Variants in ITGAM observed in about 807,000 individuals in gnomAD.
The protein encoded by ITGAM is integrin subunit alpha M.
ITGAM carries 79 observed loss-of-function variants against 137.5 expected under a neutral mutation model. The ratio of observed to expected loss-of-function variants is 0.57; its 90% confidence interval spans 0.48 to 0.69. ITGAM has a LOEUF of 0.69. ITGAM is among the 30% of genes least tolerant of loss of function. ITGAM has a pLI of 0.00. For synonymous variants in ITGAM, 583 were observed against 592.3 expected (o/e 0.98, Z 0.23); for missense variants, 1,343 against 1,483.5 (o/e 0.91, Z 1.56).
chr16:31,331,599 G>A (rs1293592944), intron 29 of ITGAM, 37 bp from the exon 30 acceptor site: 5 of 1,551,916 alleles, frequency 3.2e-6, no homozygotes, highest in African/African-American at 1.4e-5. Context: ...ACGCTCCCTG[G>A]CTGCTGTCGC....
intron 14 of ITGAM, among the ~76,000 whole-genome samples, chr16:31,302,926 TTCTTTCTTTC>T (rs2080225136): frequency 7.7e-5 from 1 of 13,022 alleles, no homozygotes; most frequent in South Asian, 2.3e-3. Context: ...CCCTCTTTCT[TTCTTTCTTTC>T]TTTCTTTCTT....
chr16:31,275,715 G>C lies in ITGAM; in HGVS notation c.1009+16G>C. 2 of 1,613,360 alleles carry C rather than the reference G, an allele frequency of 1.2e-6. No individual in the cohort carries two copies. Among genetic ancestry groups the C allele is most frequent in the Non-Finnish European group, 1.7e-6 (2 of 1,179,644 alleles). On this transcript the variant is annotated intron_variant, in intron 9 of 29. Transcript: ENST00000544665. ...GCGATCGAGGGTGAGTCAGGCATCT[G>C]TGTTCCCAGAGCAGCTCCAGAGGCA...
At chr16:31,263,060 GC>G (rs1181487083) in intron 2 of ITGAM, among the ~76,000 whole-genome samples, 1 of 152,132 alleles carries the variant, frequency 6.6e-6, no homozygotes, top group Non-Finnish European at 1.5e-5. Flanking sequence ...TCCTGCCTCA[GC>G]CTCCTGAGTA....
chr16:31,290,549 A>C (rs1023736669), intron 12 of ITGAM, among the ~76,000 whole-genome samples: 3 of 152,218 alleles, frequency 2.0e-5, no homozygotes, highest in Admixed American at 2.0e-4. Context: ...ATGATTAAAA[A>C]TACTCTCAGC....
intron 23 of ITGAM, among the ~76,000 whole-genome samples, chr16:31,328,838 GTATT>G (rs2080541767): frequency 6.6e-6 from 1 of 151,262 alleles, no homozygotes; most frequent in Non-Finnish European, 1.5e-5. Flanking sequence ...GCATGGGTGT[GTATT>G]TGTGCATGTG....
intron 12 of ITGAM, among the ~76,000 whole-genome samples, chr16:31,279,816 G>T (rs1429900574): frequency 6.6e-6 from 1 of 152,184 alleles, no homozygotes; most frequent in Admixed American, 6.5e-5. Flanking sequence ...CCCTGACCAT[G>T]CCTATGTCCT....
At chr16:31,284,129 T>A (rs995872297) in intron 12 of ITGAM, among the ~76,000 whole-genome samples, 1 of 152,162 alleles carries the variant, frequency 6.6e-6, no homozygotes, top group Admixed American at 6.6e-5. Flanking sequence ...GAGGTGTAAG[T>A]CGGCTCCTAC....
rs869206231 is a variant in ITGAM, at chr16:31,270,699, G to GTATATATATATATATA, written c.428-225_428-210dup. Among the ~76,000 whole-genome samples the GTATATATATATATATA allele has an allele frequency of 1.2e-4, 3 of 26,004 alleles. 1 individual carries two copies. Among genetic ancestry groups the GTATATATATATATATA allele is most frequent in the African/African-American group, 2.3e-4 (2 of 8,802 alleles). 17.1% of individuals were successfully genotyped at this position (26,004 alleles called of 152,430 possible). ...TGACTAATTTTTAACGTGTGTGTGT[G>GTATATATATATATATA]TATATATATATATATATATATATAT... On this transcript the variant is annotated intron_variant, in intron 5 of 29. Coordinates refer to ENST00000544665, the MANE Select transcript of ITGAM (RefSeq NM_000632.4).
intron 7 of ITGAM, among the ~76,000 whole-genome samples, chr16:31,272,422 A>AGTATATATAT (rs2079850545): frequency 1.2e-4 from 6 of 48,974 alleles, no homozygotes; most frequent in African/African-American, 3.7e-4. Flanking sequence ...AGGCCAATTA[A>AGTATATATAT]CTATATATAT....
intron 14 of ITGAM, among the ~76,000 whole-genome samples, chr16:31,315,349 C>A (rs2080379666): frequency 6.6e-6 from 1 of 152,192 alleles, no homozygotes; most frequent in Non-Finnish European, 1.5e-5. Context: ...ATAAAAAAAT[C>A]ATTGCCCAGA....
rs537642347 is a variant in ITGAM at position 31,280,931 on chromosome 16, C to A, written c.1356+2822C>A. On this transcript the variant is annotated intron_variant, in intron 12 of 29. Transcript: ENST00000544665. ...TATTTAGAGTTTTCAGCATGAAGGG[C>A]TGTTGAATTTTGTTAAAGGCCTTTT... Among the ~76,000 whole-genome samples the A allele has an allele frequency of 3.3e-5, 5 of 152,206 alleles. No individual in the cohort carries two copies. In the East Asian group the frequency reaches 9.6e-4, roughly 29 times the overall value.
chr16:31,262,290 A>G (rs1288178532), intron 2 of ITGAM, among the ~76,000 whole-genome samples: 1 of 95,244 alleles, frequency 1.0e-5, no homozygotes, highest in African/African-American at 4.3e-5. Context: ...TCCCTCTCTC[A>G]TTCCCTGCTT....
intron 14 of ITGAM, among the ~76,000 whole-genome samples, chr16:31,315,332 G>A (rs2080379561): frequency 6.6e-6 from 1 of 152,000 alleles, no homozygotes; most frequent in South Asian, 2.1e-4. Context: ...TGTGCTTTCA[G>A]GATCATATAA....
rs1303173835 is a variant in ITGAM at position 31,297,592 on chromosome 16, GC to G, written c.1441del (p.His481IlefsTer44). 1 of 1,612,716 alleles carries G rather than the reference GC, an allele frequency of 6.2e-7. No homozygotes were observed. ...NGSTDLVLIG[A>X]PHYYEQTRGG... ...CAGCACCGACCTGGTCCTCATCGGGGCCCCCCATTACTACGAGCAGACCCGA... is the reference window on the plus strand; with the variant it reads ...CAGCACCGACCTGGTCCTCATCGGGGCCCCCATTACTACGAGCAGACCCGA... On this transcript the variant is annotated frameshift_variant, in exon 13 of 30. Coordinates refer to ENST00000544665, the MANE Select transcript of ITGAM (RefSeq NM_000632.4). LOFTEE classifies it high-confidence loss of function.
intron 14 of ITGAM, among the ~76,000 whole-genome samples, chr16:31,300,466 C>A (rs2080186720): frequency 6.6e-6 from 1 of 152,148 alleles, no homozygotes; most frequent in Admixed American, 6.5e-5. Flanking sequence ...TTGGCAATAG[C>A]CAGGCTAGCA....
intron 12 of ITGAM, among the ~76,000 whole-genome samples, chr16:31,283,433 T>C (rs572926342): frequency 6.6e-6 from 1 of 152,344 alleles, no homozygotes; most frequent in South Asian, 2.1e-4. Context: ...TACTCTTTTT[T>C]TCTCTGAACT....
intron 6 of ITGAM, among the ~76,000 whole-genome samples, chr16:31,271,600 G>T (rs186844892): frequency 9.2e-5 from 14 of 152,280 alleles, no homozygotes; most frequent in African/African-American, 3.1e-4. Context: ...TGATCCACCC[G>T]CCTCGGCTTC....
intron 9 of ITGAM, among the ~76,000 whole-genome samples, chr16:31,276,164 G>A (rs867205745): frequency 2.0e-5 from 3 of 152,164 alleles, no homozygotes; most frequent in South Asian, 4.1e-4. Context: ...CTTGAAGACC[G>A]CATTCCCACT....
chr16:31,304,250 A>G (rs572142141), intron 14 of ITGAM, among the ~76,000 whole-genome samples: 1 of 152,060 alleles, frequency 6.6e-6, no homozygotes, highest in South Asian at 2.1e-4. Flanking sequence ...TTTATCGGCC[A>G]TTTGTATATC....
Sources: gnomAD v4.1 joint callset for allele counts (sites outside exome capture counted in the v4.1 genomes callset) on GRCh38, gnomAD v4.1.1 for gene constraint, MANE v1.5 for transcripts, NCBI Gene and HGNC (gene_info 2026-07-23, HGNC 2026-07-21) for gene names.